EPHB1: variants seen among roughly 807,000 people sequenced by gnomAD.
EPHB1 encodes ephrin type-B receptor 1.
EPHB1 carries 30 observed loss-of-function variants against 94.4 expected under a neutral mutation model. The observed-to-expected ratio is 0.32, with a 90% CI of 0.24 to 0.43. The LOEUF is 0.43. Ranked by LOEUF, EPHB1 falls within the 20% of genes least tolerant of loss-of-function variation. The probability of loss-of-function intolerance (pLI) is 1.00; values close to 1 mark genes in which losing one functional copy is unlikely to be tolerated. For synonymous variants in EPHB1, 522 were observed against 489.1 expected, an observed-to-expected ratio of 1.07 and a Z score of -0.89; for missense variants, 1,055 against 1,308.3, an observed-to-expected ratio of 0.81 and a Z score of 2.99.
chr3:135,215,948 C>T (rs192971309), intron 12 of EPHB1, among the ~76,000 whole-genome samples: 13 of 152,300 alleles, frequency 8.5e-5, no homozygotes, highest in East Asian at 7.7e-4. Flanking sequence ...TGTCAATTAC[C>T]GTATTTCTCA....
chr3:134,941,037 G>C (rs1026450841), intron 2 of EPHB1, among the ~76,000 whole-genome samples: 38 of 152,196 alleles, frequency 2.5e-4, no homozygotes, highest in Admixed American at 1.6e-3. Flanking sequence ...TCCAGAGGAA[G>C]TGCCCCTTTC....
At chr3:134,919,278 GAGA>G in intron 1 of EPHB1, among the ~76,000 whole-genome samples, 1 of 152,336 alleles carries the variant, frequency 6.6e-6, no homozygotes, top group African/African-American at 2.4e-5. Context: ...TTGCTGGAGG[GAGA>G]AGATTTAGAT....
intron 1 of EPHB1, among the ~76,000 whole-genome samples, chr3:134,858,999 C>T (rs148324377): frequency 4.6e-5 from 7 of 152,316 alleles, no homozygotes; most frequent in East Asian, 3.9e-4. Context: ...CCTGCCCTCA[C>T]GGTGACTGAA....
intron 3 of EPHB1, among the ~76,000 whole-genome samples, chr3:134,963,435 T>A (rs1223014401): frequency 6.6e-6 from 1 of 152,086 alleles, no homozygotes; most frequent in African/African-American, 2.4e-5. Context: ...CACTGATGGT[T>A]GTATGATGGT....
chr3:135,044,228 G>A lies in EPHB1; in HGVS notation c.806-62220G>A, dbSNP rs141911587. The stretch of plus-strand genomic sequence containing the variant: ...AATCCTGATGCTTTGTGGGGAGTCT[G>A]GTGGCTGCATTGTTACTGTAGCAGA... On this transcript the variant is annotated intron_variant, in intron 3 of 15. Transcript: ENST00000398015. 8.9e-4 allele frequency among the ~76,000 whole-genome samples: 136 copies of A among 152,276 alleles called. 5 individuals are homozygous for A. In the East Asian group the frequency reaches 0.024, roughly 27 times the overall value.
chr3:134,993,190 G>A (rs2107738885), intron 3 of EPHB1, among the ~76,000 whole-genome samples: 1 of 152,336 alleles, frequency 6.6e-6, no homozygotes, highest in Non-Finnish European at 1.5e-5. Context: ...AAACAGCACA[G>A]GCAGTTGGCT....
chr3:135,098,187 C>A (rs1938878738), intron 3 of EPHB1, among the ~76,000 whole-genome samples: 3 of 152,162 alleles, frequency 2.0e-5, no homozygotes, highest in Admixed American at 2.0e-4. Context: ...ATTTTTGTGT[C>A]CTCTGCAAGA....
At chr3:134,954,818 C>T (rs1933184660) in intron 3 of EPHB1, among the ~76,000 whole-genome samples, 1 of 152,176 alleles carries the variant, frequency 6.6e-6, no homozygotes, top group Non-Finnish European at 1.5e-5. Context: ...GAAACCGTCT[C>T]CTGTCAAAGT....
At chr3:135,249,674 T>C (rs2107732045) in intron 15 of EPHB1, among the ~76,000 whole-genome samples, 183 bp downstream of exon 15, 1 of 152,028 alleles carries the variant, frequency 6.6e-6, no homozygotes, top group African/African-American at 2.4e-5. Context: ...GATGGGGAGG[T>C]GGAGATCCAC....
intron 12 of EPHB1, among the ~76,000 whole-genome samples, chr3:135,224,904 A>AT (rs1559881521): frequency 6.6e-6 from 1 of 152,204 alleles, no homozygotes; most frequent in Non-Finnish European, 1.5e-5. Flanking sequence ...GGCCAAGAAC[A>AT]TTAAGATTCT....
At chr3:134,938,963 G>A (rs544234711) in intron 2 of EPHB1, among the ~76,000 whole-genome samples, 2 of 152,236 alleles carry the variant, frequency 1.3e-5, no homozygotes, top group South Asian at 4.1e-4. Flanking sequence ...CAAGGTTAGA[G>A]CAGTGCTGTT....
At chr3:134,966,055 T>C (rs1483771743) in intron 3 of EPHB1, among the ~76,000 whole-genome samples, 1 of 152,228 alleles carries the variant, frequency 6.6e-6, no homozygotes, top group Admixed American at 6.5e-5. Flanking sequence ...TGTGTGCTGT[T>C]TGCCAACACT....
At chr3:135,215,502 A>G (rs769644657) in intron 12 of EPHB1, among the ~76,000 whole-genome samples, 19 of 152,186 alleles carry the variant, frequency 1.2e-4, no homozygotes, top group South Asian at 4.1e-4. Context: ...AAAGGATCCT[A>G]TAACTTTCTC....
At chr3:134,980,602 A>C (rs36114) in intron 3 of EPHB1, among the ~76,000 whole-genome samples, 95,954 of 152,108 alleles carry the variant, frequency 0.63, 32,095 homozygotes, top group African/African-American at 0.83. Flanking sequence ...TCTAGAGAGA[A>C]TTGCTAGCAA....
intron 10 of EPHB1, among the ~76,000 whole-genome samples, chr3:135,187,852 G>C (rs993228648): frequency 5.3e-5 from 8 of 151,996 alleles, no homozygotes; most frequent in African/African-American, 1.9e-4. Flanking sequence ...TTCTCTTCCA[G>C]TGAGACTCCC....
chr3:134,882,818 C>CTTTCTTTCTTTCTTTCTTTCTTTCT (rs1450733032), intron 1 of EPHB1, among the ~76,000 whole-genome samples: 68 of 114,220 alleles, frequency 6.0e-4, no homozygotes, highest in Middle Eastern at 8.5e-3. Flanking sequence ...TTCTTTCTTT[C>CTTTCTTTCTTTCTTTCTTTCTTTCT]TTTCTTTTCT....
chr3:135,114,983 T>C (rs1434129095), intron 4 of EPHB1, among the ~76,000 whole-genome samples: 1 of 152,190 alleles, frequency 6.6e-6, no homozygotes, highest in Non-Finnish European at 1.5e-5. Flanking sequence ...TACTCTATAC[T>C]CTATACTCTT....
At chr3:134,898,254 C>G (rs1222944645) in intron 1 of EPHB1, among the ~76,000 whole-genome samples, 1 of 152,124 alleles carries the variant, frequency 6.6e-6, no homozygotes, top group African/African-American at 2.4e-5. Flanking sequence ...CTCCAAATAT[C>G]ATTCCTATAA....
At chr3:134,893,393 T>C (rs1205414098) in intron 1 of EPHB1, among the ~76,000 whole-genome samples, 2 of 152,048 alleles carry the variant, frequency 1.3e-5, no homozygotes, top group African/African-American at 4.8e-5. Context: ...AGCAAACAAA[T>C]CATAAATCCA....
Sources: gnomAD v4.1 joint callset for allele counts (sites outside exome capture counted in the v4.1 genomes callset) on GRCh38, gnomAD v4.1.1 for gene constraint, MANE v1.5 for transcripts, NCBI Gene and HGNC (gene_info 2026-07-23, HGNC 2026-07-21) for gene names.